Variants in EGFR observed in about 807,000 individuals in gnomAD.
The protein encoded by EGFR is avian erythroblastic leukemia viral (v-erb-b) oncogene homolog.
A neutral mutation model predicts 143.0 loss-of-function variants in EGFR; 58 were observed. That is an observed-to-expected ratio of 0.41 (90% CI 0.33 to 0.50). The LOEUF is 0.50. EGFR is among the 20% of genes least tolerant of loss of function. EGFR has a pLI of 0.39. For synonymous variants in EGFR, 613 were observed against 594.4 expected (o/e 1.03, Z -0.45); for missense variants, 1,307 against 1,579.0 (o/e 0.83, Z 2.92).
chr7:55,145,481 G>A (rs1286755334), intron 3 of EGFR, among the ~76,000 whole-genome samples: 1 of 152,110 alleles, frequency 6.6e-6, no homozygotes, highest in Non-Finnish European at 1.5e-5. Flanking sequence ...CCCTGCACTG[G>A]GTCTCCTGTC....
intron 15 of EGFR, among the ~76,000 whole-genome samples, chr7:55,169,665 T>C (rs978403421): frequency 2.0e-5 from 3 of 152,160 alleles, no homozygotes; most frequent in Non-Finnish European, 2.9e-5. Context: ...TAGTCATTTC[T>C]GCAGAGTTAC....
chr7:55,019,396 G>GC (rs1471933146), intron 1 of EGFR, 31 bp downstream of exon 1: 3 of 1,355,280 alleles, frequency 2.2e-6, no homozygotes, highest in Non-Finnish European at 2.9e-6. Flanking sequence ...CTCCCGCGCC[G>GC]CCCCCGGATC....
chr7:55,034,895 T>C (rs1787470298), intron 1 of EGFR, among the ~76,000 whole-genome samples: 1 of 152,244 alleles, frequency 6.6e-6, no homozygotes, highest in Non-Finnish European at 1.5e-5. Context: ...GTGGCATAGT[T>C]GCTTTAAACA....
At chr7:55,125,334 C>T (rs1793459706) in intron 1 of EGFR, among the ~76,000 whole-genome samples, 1 of 152,232 alleles carries the variant, frequency 6.6e-6, no homozygotes, top group African/African-American at 2.4e-5. Flanking sequence ...ATTGAAACCA[C>T]ATGCTTTAAA....
chr7:55,172,188 CT>C (rs1472515010), intron 16 of EGFR, among the ~76,000 whole-genome samples: 1 of 152,244 alleles, frequency 6.6e-6, no homozygotes, highest in Non-Finnish European at 1.5e-5. Flanking sequence ...TACATCTGCT[CT>C]TTTCCATCTT....
intron 20 of EGFR, among the ~76,000 whole-genome samples, chr7:55,186,839 T>G (rs1787159384): frequency 6.6e-6 from 1 of 152,196 alleles, no homozygotes; most frequent in Non-Finnish European, 1.5e-5. Context: ...GCAGCTATAG[T>G]GAGGCCACCA....
chr7:55,049,535 A>G (rs1788363628), intron 1 of EGFR, among the ~76,000 whole-genome samples: 1 of 151,908 alleles, frequency 6.6e-6, no homozygotes, highest in South Asian at 2.1e-4. Flanking sequence ...TTCATTTTTG[A>G]CAGTTGGGGA....
At chr7:55,152,483 C>T (rs1028913009) in intron 5 of EGFR, 63 bp from the exon 6 acceptor site, 2 of 1,446,808 alleles carry the variant, frequency 1.4e-6, no homozygotes, top group Non-Finnish European at 1.9e-6. Context: ...TGCTCTGCGA[C>T]ATCCCTGGGA....
intron 1 of EGFR, among the ~76,000 whole-genome samples, chr7:55,042,292 A>G (rs541245449): frequency 2.0e-5 from 3 of 152,354 alleles, no homozygotes; most frequent in Non-Finnish European, 2.9e-5. Flanking sequence ...GTCTTGTAAA[A>G]GTCAAATAAC....
intron 1 of EGFR, among the ~76,000 whole-genome samples, chr7:55,135,975 A>G (rs1185098388): frequency 2.0e-5 from 3 of 152,196 alleles, no homozygotes; most frequent in Non-Finnish European, 2.9e-5. Context: ...ATAAAAACAC[A>G]AAAACTATGA....
At chr7:55,115,913 G>A (rs1046622102) in intron 1 of EGFR, among the ~76,000 whole-genome samples, 10 of 152,198 alleles carry the variant, frequency 6.6e-5, no homozygotes, top group Admixed American at 6.5e-4. Context: ...CAGATTATGC[G>A]GAGAGAGATG....
Position 55,203,107 on chromosome 7 carries a change from A to G in EGFR, c.3271+482A>G, listed in dbSNP as rs146148238. 1,713 of 268,112 alleles carry G rather than the reference A, an allele frequency of 6.4e-3. 26 individuals are homozygous for G. The highest frequency in any genetic ancestry group is 0.035 in the African/African-American group (1,610 of 45,926). 16.6% of individuals were successfully genotyped at this position (268,112 alleles called of 1,614,324 possible). On this transcript the variant is annotated intron_variant, in intron 27 of 27. Transcript: ENST00000275493. The stretch of plus-strand genomic sequence containing the variant: ...ATAACCTGCTAACACACACACATAT[A>G]CACACACATACACATACACACATAT...
At chr7:55,150,638 C>A (rs570011890) in intron 4 of EGFR, among the ~76,000 whole-genome samples, 3 of 152,282 alleles carry the variant, frequency 2.0e-5, no homozygotes, top group African/African-American at 4.8e-5. Context: ...CTTCAGACTT[C>A]TCAATACTGA....
chr7:55,068,625 C>A (rs1274200034), intron 1 of EGFR, among the ~76,000 whole-genome samples: 3 of 152,200 alleles, frequency 2.0e-5, no homozygotes, highest in Non-Finnish European at 4.4e-5. Context: ...TCTCTGCAGC[C>A]CTTACTGAAG....
intron 5 of EGFR, 186 bp from the exon 6 acceptor site, chr7:55,152,360 A>G (rs1234177779): frequency 1.3e-6 from 1 of 768,864 alleles, no homozygotes. Flanking sequence ...AGTGATTAAA[A>G]ATAAATCAGG....
chr7:55,197,501 T>C (rs575269275), intron 22 of EGFR, among the ~76,000 whole-genome samples: 294 of 152,322 alleles, frequency 1.9e-3, no homozygotes, highest in Middle Eastern at 6.8e-3. Flanking sequence ...GTCCATTATT[T>C]CTTTCTCTCA....
chr7:55,076,603 C>G (rs1171849963), intron 1 of EGFR, among the ~76,000 whole-genome samples: 1 of 152,166 alleles, frequency 6.6e-6, no homozygotes, highest in African/African-American at 2.4e-5. Context: ...AAACAACATA[C>G]TCACACCCCT....
At chr7:55,072,711 T>A (rs925016822) in intron 1 of EGFR, among the ~76,000 whole-genome samples, 1 of 152,196 alleles carries the variant, frequency 6.6e-6, no homozygotes, top group African/African-American at 2.4e-5. Flanking sequence ...TCATTGTGTT[T>A]AGATAAATAT....
intron 1 of EGFR, among the ~76,000 whole-genome samples, chr7:55,069,056 T>C (rs534260135): frequency 1.2e-4 from 19 of 152,342 alleles, no homozygotes; most frequent in African/African-American, 4.6e-4. Context: ...TCAAGTCTTC[T>C]TACAAAGCAG....
Sources: allele counts gnomAD v4.1 joint callset (sites outside exome capture counted in the v4.1 genomes callset), GRCh38; gene constraint gnomAD v4.1.1; transcripts MANE v1.5; gene names NCBI Gene and HGNC (gene_info 2026-07-23, HGNC 2026-07-21).